The following MASP2 variants were observed in gnomAD, a reference collection of about 807,000 sequenced individuals.
MASP2 encodes MBL associated serine protease 2, also known as mannan-binding lectin serine protease 2.
MASP2 carries 49 observed loss-of-function variants against 57.1 expected under a neutral mutation model. That is an observed-to-expected ratio of 0.86 (90% CI 0.68 to 1.09). MASP2 has a LOEUF of 1.09. Ranked by LOEUF, MASP2 falls within the 50% of genes least tolerant of loss-of-function variation. The pLI is 0.00. For missense variants in MASP2, 900 were observed against 874.8 expected (o/e 1.03, Z -0.36); for synonymous variants, 379 against 340.8 (o/e 1.11, Z -1.24).
chr1:11,027,982 G>A (rs188983549), intron 10 of MASP2, among the ~76,000 whole-genome samples: 39 of 152,306 alleles, frequency 2.6e-4, no homozygotes, highest in African/African-American at 9.1e-4. Context: ...AGCACTTTGG[G>A]AGGCTGAGAT....
chr1:11,037,547 C>A (rs1638281935), intron 7 of MASP2, 146 bp downstream of exon 7: 5 of 528,892 alleles, frequency 9.5e-6, no homozygotes, highest in East Asian at 3.3e-5. Context: ...AAACTTATTT[C>A]TTGGCTTTTT....
chr1:11,027,801 A>G (rs989259157), intron 10 of MASP2, among the ~76,000 whole-genome samples, 153 bp from the exon 11 acceptor site: 9 of 152,238 alleles, frequency 5.9e-5, no homozygotes, highest in South Asian at 2.1e-4. Flanking sequence ...AAGTGAGGCT[A>G]TTTTAAAACA....
Position 11,043,386 on chromosome 1 carries a change from C to T in MASP2, c.694G>A (p.Asp232Asn), listed in dbSNP as rs759872641. Residue 232 changes from aspartate to asparagine, a missense_variant, in exon 5 of 11, where the codon GAT becomes AAT. Transcript: ENST00000400897. Reference sequence around the variant, plus strand: ...AGGGTTTCAGGGTGTGTCTCCACATCGAAGGACTCCACAAAGTCCAGAATG... The same window carrying T: ...AGGGTTTCAGGGTGTGTCTCCACATTGAAGGACTCCACAAAGTCCAGAATG... Reference protein sequence around the residue: ...SVILDFVESFDVETHPETLCP... With the variant: ...SVILDFVESFNVETHPETLCP... 6.2e-6 allele frequency: 10 copies of T among 1,609,644 alleles called. No homozygotes were observed. Among genetic ancestry groups the T allele is most frequent in the Admixed American group, 3.4e-5 (2 of 59,486 alleles).
chr1:11,034,478 A>G (rs1643874103), intron 8 of MASP2, among the ~76,000 whole-genome samples: 3 of 151,342 alleles, frequency 2.0e-5, no homozygotes, highest in Admixed American at 2.0e-4. Context: ...CCGGTGGATC[A>G]CTTGAGGTCA....
chr1:11,037,276 A>G (rs1245087035), intron 7 of MASP2, among the ~76,000 whole-genome samples: 2 of 151,730 alleles, frequency 1.3e-5, no homozygotes, highest in Non-Finnish European at 2.9e-5. Context: ...TTTAGTGGAG[A>G]CGGGGTTTCA....
chr1:11,045,512 C>T lies in MASP2; in HGVS notation c.440G>A (p.Gly147Glu). The change falls in exon 4 of 11, where the codon GGA becomes GAA. Residue 147 changes from glycine (G) to glutamate (E), a missense_variant. By Grantham distance (98) the Gly-to-Glu change is moderately conservative (BLOSUM62 -2). Coordinates refer to ENST00000400897, the MANE Select transcript of MASP2 (RefSeq NM_006610.4). ...EDIDECQVAP[G>E]EAPTCDHHCH... ...GTGGTGGTCGCAGGTGGGCGCCTCTCCCGGGGCCACCTGGCACTCGTCAAT... is the reference window on the plus strand; with the variant it reads ...GTGGTGGTCGCAGGTGGGCGCCTCTTCCGGGGCCACCTGGCACTCGTCAAT... 6.2e-7 allele frequency: 1 copy of T among 1,609,620 alleles called. No individual in the cohort carries two copies. The highest frequency in any genetic ancestry group is 8.5e-7 in the Non-Finnish European group (1 of 1,179,092).
intron 7 of MASP2, among the ~76,000 whole-genome samples, chr1:11,037,177 C>T (rs142692059): frequency 0.033 from 5,055 of 152,122 alleles, 244 homozygotes; most frequent in African/African-American, 0.11. Context: ...CTCAGCCACC[C>T]GAGTAGCTGG....
chr1:11,039,892 ATGGATGGATAGATG>A (rs1261183419), intron 6 of MASP2, among the ~76,000 whole-genome samples: 26 of 105,758 alleles, frequency 2.5e-4, no homozygotes, highest in Non-Finnish European at 1.1e-4. Context: ...GGATGGATGG[ATGGATGGATAGATG>A]GATGGATAGA....
chr1:11,045,056 G>A, intron 4 of MASP2: 2 of 1,082,052 alleles, frequency 1.8e-6, no homozygotes, highest in Non-Finnish European at 2.8e-6. Context: ...ACGCCCCAGA[G>A]CACTGGCCCG....
At chr1:11,036,152 T>C (rs1643884408) in intron 7 of MASP2, among the ~76,000 whole-genome samples, 1 of 152,148 alleles carries the variant, frequency 6.6e-6, no homozygotes, top group South Asian at 2.1e-4. Context: ...TAAAAGAAGA[T>C]GGCTTTGGCA....
intron 6 of MASP2, among the ~76,000 whole-genome samples, chr1:11,039,913 T>C (rs1319622518): frequency 4.6e-4 from 64 of 138,586 alleles, no homozygotes; most frequent in Non-Finnish European, 9.0e-4. Context: ...GATGGATGGA[T>C]AGATGGATAG....
chr1:11,046,828 C>G, intron 2 of MASP2, 63 bp downstream of exon 2: 1 of 1,548,258 alleles, frequency 6.5e-7, no homozygotes, highest in Non-Finnish European at 8.7e-7. Context: ...GTCCCTGAAC[C>G]CTGGCTACTC....
chr1:11,033,857 C>T (rs1415571180), intron 8 of MASP2, among the ~76,000 whole-genome samples: 2 of 150,576 alleles, frequency 1.3e-5, no homozygotes, highest in African/African-American at 2.4e-5. Context: ...CTCTTGAACC[C>T]GGGAGGCAGA....
chr1:11,044,789 G>A (rs1198925181), intron 4 of MASP2: 20 of 1,338,752 alleles, frequency 1.5e-5, no homozygotes, highest in African/African-American at 6.0e-5. Context: ...AGAGACACGT[G>A]GCAGCAGGTG....
At chr1:11,031,962 TA>T (rs1643853643) in intron 8 of MASP2, among the ~76,000 whole-genome samples, 1 of 152,168 alleles carries the variant, frequency 6.6e-6, no homozygotes, top group African/African-American at 2.4e-5. Flanking sequence ...TTGAAGTTTT[TA>T]GAAAGACCTG....
At chr1:11,044,778 CAG>C in intron 4 of MASP2, 9 of 1,406,562 alleles carry the variant, frequency 6.4e-6, no homozygotes, top group Middle Eastern at 2.7e-4. Flanking sequence ...CCTCCCACCC[CAG>C]AGACACGTGG....
rs755641908 is a variant in MASP2, at chr1:11,027,154, A to AT, written c.1791dup (p.Cys598MetfsTer6). On this transcript the variant is annotated frameshift_variant, in exon 11 of 11. Transcript: ENST00000400897. LOFTEE classifies it high-confidence loss of function. Reference sequence around the variant, plus strand: ...GGTGGCTTTTCATATGCAGCAGTACATTTTTGATGGTCAACAATCGGTATG... The same window carrying AT: ...GGTGGCTTTTCATATGCAGCAGTACATTTTTTGATGGTCAACAATCGGTATG... 3.7e-6 allele frequency: 6 copies of AT among 1,614,046 alleles called. No homozygotes were observed. Among genetic ancestry groups the AT allele is most frequent in the Non-Finnish European group, 5.1e-6 (6 of 1,180,016 alleles).
chr1:11,028,171 A>G (rs1214503110), intron 10 of MASP2, among the ~76,000 whole-genome samples: 2 of 152,030 alleles, frequency 1.3e-5, no homozygotes, highest in Admixed American at 6.6e-5. Context: ...GCAGTAAGAC[A>G]AGTCACACCA....
chr1:11,028,139 T>C (rs541388184), intron 10 of MASP2, among the ~76,000 whole-genome samples: 1 of 152,116 alleles, frequency 6.6e-6, no homozygotes, highest in East Asian at 1.9e-4. Context: ...GGAGAGTTGC[T>C]TGAACCTGGG....
Sources: allele counts gnomAD v4.1 joint callset (sites outside exome capture counted in the v4.1 genomes callset), GRCh38; gene constraint gnomAD v4.1.1; transcripts MANE v1.5; gene names NCBI Gene and HGNC (gene_info 2026-07-23, HGNC 2026-07-21).